Variants in TOX2 observed in about 807,000 individuals in gnomAD.
The protein encoded by TOX2 is granulosa cell HMG box 1.
A neutral mutation model predicts 47.4 loss-of-function variants in TOX2; 15 were observed. The observed-to-expected ratio is 0.32, with a 90% CI of 0.21 to 0.49. TOX2 has a LOEUF of 0.49. TOX2 is among the 20% of genes least tolerant of loss of function. The probability of loss-of-function intolerance (pLI) is 0.99; values close to 1 mark genes in which losing one functional copy is unlikely to be tolerated. For missense variants in TOX2, 622 were observed against 673.1 expected (o/e 0.92, Z 0.84); for synonymous variants, 290 against 296.6 (o/e 0.98, Z 0.23).
At chr20:44,064,184 GTC>G (rs2071769681) in intron 5 of TOX2, among the ~76,000 whole-genome samples, 1 of 152,184 alleles carries the variant, frequency 6.6e-6, no homozygotes, top group Non-Finnish European at 1.5e-5. Flanking sequence ...CACTTTGTCA[GTC>G]TCTGCATGCA....
At chr20:44,050,679 T>C (rs1018001128) in intron 3 of TOX2, among the ~76,000 whole-genome samples, 1 of 152,192 alleles carries the variant, frequency 6.6e-6, no homozygotes, top group African/African-American at 2.4e-5. Flanking sequence ...GGAAGAAAAG[T>C]ACTCAACTTT....
rs376983254 is a variant in TOX2, at chr20:44,057,243, C to T, written c.879+2717C>T. 2.2e-3 allele frequency among the ~76,000 whole-genome samples: 341 copies of T among 152,290 alleles called. 1 individual carries two copies. The highest frequency in any genetic ancestry group is 7.9e-3 in the African/African-American group (329 of 41,572). ...GCCATATCTCCTTATTTTGTCTCCTCACTTCTCAGATTTCTAATTCTGTTT... is the reference window on the plus strand; with the variant it reads ...GCCATATCTCCTTATTTTGTCTCCTTACTTCTCAGATTTCTAATTCTGTTT... On this transcript the variant is annotated intron_variant, in intron 5 of 8. Coordinates refer to ENST00000341197, the MANE Select transcript of TOX2 (RefSeq NM_001098797.2).
intron 2 of TOX2, among the ~76,000 whole-genome samples, chr20:44,002,968 C>T (rs1256684844): frequency 1.3e-5 from 2 of 152,070 alleles, no homozygotes; most frequent in Non-Finnish European, 2.9e-5. Flanking sequence ...GACAAATATC[C>T]AAACTGTATC....
chr20:44,063,559 A>T (rs568756782), intron 5 of TOX2, among the ~76,000 whole-genome samples: 13 of 152,302 alleles, frequency 8.5e-5, no homozygotes, highest in Non-Finnish European at 1.8e-4. Flanking sequence ...TTCCCCAAAG[A>T]ACTAAAAGTA....
chr20:43,957,753 CGATTCTGT>C (rs2069692334), intron 1 of TOX2, among the ~76,000 whole-genome samples: 1 of 152,072 alleles, frequency 6.6e-6, no homozygotes, highest in Non-Finnish European at 1.5e-5. Context: ...ATTTGGCTCA[CGATTCTGT>C]GAGCTGTACA....
In TOX2 at chr20:44,006,625, C is replaced by T. The variant is rs1443181298; in HGVS notation, c.244C>T (p.Leu82Phe). The T allele has an allele frequency of 1.9e-6, 3 of 1,614,152 alleles. No individual in the cohort carries two copies. Among genetic ancestry groups the T allele is most frequent in the Admixed American group, 3.3e-5 (2 of 60,022 alleles). The change falls in exon 3 of 9, where the codon CTC (leucine) becomes TTC (phenylalanine). Residue 82 changes from leucine (L) to phenylalanine (F), a missense_variant. By Grantham distance (22) the Leu-to-Phe change is conservative. This residue lies in a region of TOX2 where 307 missense variants were observed against 327.3 expected (regional missense o/e 0.94). Coordinates refer to ENST00000341197, the MANE Select transcript of TOX2 (RefSeq NM_001098797.2). The part of the protein sequence containing the change: ...ITPPNLPEPS[L>F]LHLGDHEASY... The stretch of plus-strand genomic sequence containing the variant: ...ACCTCCCAACCTCCCGGAGCCATCC[C>T]TCCTGCACCTGGGGGACCACGAAGC...
At chr20:43,922,836 A>G (rs1260257694) in intron 1 of TOX2, among the ~76,000 whole-genome samples, 2 of 152,172 alleles carry the variant, frequency 1.3e-5, no homozygotes, top group Non-Finnish European at 2.9e-5. Context: ...ACAGGTTTTT[A>G]TTGAGTGCCT....
chr20:43,954,322 T>G (rs2069631106), intron 1 of TOX2, among the ~76,000 whole-genome samples: 1 of 152,242 alleles, frequency 6.6e-6, no homozygotes, highest in South Asian at 2.1e-4. Context: ...TTGCTGCCTC[T>G]ACAGAGAGAC....
At chr20:44,067,222 C>T (rs2071841037) in intron 8 of TOX2, among the ~76,000 whole-genome samples, 2 of 150,726 alleles carry the variant, frequency 1.3e-5, no homozygotes, top group Admixed American at 6.6e-5. Flanking sequence ...TGGGGATGCA[C>T]TGGGGAAAGC....
rs538083746 is a variant in TOX2 at position 44,021,011 on chromosome 20, G to A, written c.411+14219G>A. 1.9e-3 allele frequency among the ~76,000 whole-genome samples: 294 copies of A among 152,256 alleles called. 1 individual carries two copies. Among genetic ancestry groups the A allele is most frequent in the African/African-American group, 6.9e-3 (285 of 41,538 alleles). On this transcript the variant is annotated intron_variant, in intron 3 of 8. Transcript: ENST00000341197. ...TCTGGCATGATGACAGTCCCAGCCT[G>A]TGATCAGAAAGACTCTAGGTTTTCC...
chr20:43,942,064 T>C (rs1406480423), intron 1 of TOX2, among the ~76,000 whole-genome samples: 1 of 152,188 alleles, frequency 6.6e-6, no homozygotes, highest in African/African-American at 2.4e-5. Context: ...AACTTCCTCA[T>C]CTGTAAAAGG....
intron 4 of TOX2, 103 bp downstream of exon 4, chr20:44,051,648 A>G: frequency 1.4e-6 from 2 of 1,466,348 alleles, no homozygotes; most frequent in Non-Finnish European, 1.8e-6. Flanking sequence ...AGACTAGAAA[A>G]GCCTGATGTC....
At chr20:43,991,562 T>G (rs1484906452) in intron 2 of TOX2, among the ~76,000 whole-genome samples, 1 of 151,758 alleles carries the variant, frequency 6.6e-6, no homozygotes, top group African/African-American at 2.4e-5. Context: ...TTGGAATATA[T>G]CAGTGACCAA....
chr20:43,960,184 C>T (rs1223919279), intron 1 of TOX2, among the ~76,000 whole-genome samples: 6 of 152,178 alleles, frequency 3.9e-5, no homozygotes, highest in African/African-American at 1.4e-4. Context: ...TGCATGCATT[C>T]GTTCTAATGA....
chr20:44,053,439 TACACACACACACAC>T (rs111951284), intron 4 of TOX2, among the ~76,000 whole-genome samples: 16 of 143,146 alleles, frequency 1.1e-4, no homozygotes, highest in East Asian at 2.0e-4. Context: ...GGCAGATATA[TACACACACACACAC>T]ACACACACAC....
At chr20:44,062,614 C>T (rs1388767991) in intron 5 of TOX2, among the ~76,000 whole-genome samples, 2 of 151,986 alleles carry the variant, frequency 1.3e-5, no homozygotes, top group Non-Finnish European at 1.5e-5. Context: ...CAAAACACCA[C>T]CAACATTCTT....
intron 2 of TOX2, among the ~76,000 whole-genome samples, chr20:43,979,018 G>A (rs111249869): frequency 3.3e-5 from 5 of 152,082 alleles, no homozygotes; most frequent in African/African-American, 4.8e-5. Flanking sequence ...AGAGAGAAAC[G>A]GAGGGGTAAA....
chr20:43,957,235 G>C (rs1221049178), intron 1 of TOX2, among the ~76,000 whole-genome samples: 1 of 152,150 alleles, frequency 6.6e-6, no homozygotes, highest in Admixed American at 6.5e-5. Flanking sequence ...CATTTTGGTT[G>C]GTGTCTTGCA....
chr20:43,939,301 C>G (rs75074505), intron 1 of TOX2, among the ~76,000 whole-genome samples: 26,998 of 152,174 alleles, frequency 0.18, 3,229 homozygotes, highest in African/African-American at 0.33. Context: ...ATAATTGCAT[C>G]TACTTAATTT....
Sources: allele counts gnomAD v4.1 joint callset (sites outside exome capture counted in the v4.1 genomes callset), GRCh38; gene constraint gnomAD v4.1.1; regional missense constraint gnomAD v4.1.1; transcripts MANE v1.5; gene names NCBI Gene and HGNC (gene_info 2026-07-23, HGNC 2026-07-21).